The following TENM1 variants were observed in gnomAD, a reference collection of about 807,000 sequenced individuals.
The protein encoded by TENM1 is teneurin transmembrane protein 1.
A neutral mutation model predicts 174.8 loss-of-function variants in TENM1; 35 were observed. That is an observed-to-expected ratio of 0.20 (90% CI 0.15 to 0.27). The LOEUF is 0.27. Ranked by LOEUF, TENM1 falls within the 10% of genes least tolerant of loss-of-function variation. TENM1 has a pLI of 1.00. For missense variants in TENM1, 1,633 were observed against 2,130.1 expected, an observed-to-expected ratio of 0.77 and a Z score of 4.59; for synonymous variants, 781 against 798.7, an observed-to-expected ratio of 0.98 and a Z score of 0.37.
At chrX:125,025,187 C>T in the TENM1 span, among the ~76,000 whole-genome samples, 1 of 111,122 alleles carries the variant, frequency 9.0e-6, no homozygotes, top group Non-Finnish European at 1.9e-5. Flanking sequence ...GAGGAATTTT[C>T]AATATTGCAT....
Position 124,486,163 on chromosome X carries a change from A to G in TENM1, c.3716+1046T>C, listed in dbSNP as rs149466939. Reference sequence around the variant, plus strand: ...AAAAAAACCACTGGACTATATTCCAATTTGCTTTAATCCCTTGTGTCTCAA... The same window carrying G: ...AAAAAAACCACTGGACTATATTCCAGTTTGCTTTAATCCCTTGTGTCTCAA... On this transcript the variant is annotated intron_variant, in intron 21 of 31. Coordinates refer to ENST00000422452, the Ensembl canonical transcript of TENM1. Among the ~76,000 whole-genome samples, 663 of 111,908 alleles carry G rather than the reference A, an allele frequency of 5.9e-3. 4 individuals carry two copies. The highest frequency in any genetic ancestry group is 0.021 in the African/African-American group (642 of 30,863).
the TENM1 span, among the ~76,000 whole-genome samples, chrX:125,047,185 C>T: frequency 5.4e-5 from 6 of 111,231 alleles, no homozygotes; most frequent in South Asian, 1.5e-3. Context: ...GTAAAATAAA[C>T]ATTAGCGTAT....
the TENM1 span, among the ~76,000 whole-genome samples, chrX:124,974,108 C>A: frequency 0.16 from 17,382 of 110,818 alleles, 1,150 homozygotes; most frequent in Non-Finnish European, 0.21. Flanking sequence ...ACTACTACTA[C>A]TAATAATAAT....
intron 3 of TENM1, among the ~76,000 whole-genome samples, chrX:124,821,815 G>A (rs2056044476): frequency 8.9e-6 from 1 of 112,063 alleles, no homozygotes; most frequent in South Asian, 3.7e-4. Flanking sequence ...GGAATGGTTT[G>A]AATTCTATTC....
chrX:124,592,132 C>T (rs1375846539), intron 11 of TENM1, among the ~76,000 whole-genome samples: 2 of 111,923 alleles, frequency 1.8e-5, no homozygotes, highest in Non-Finnish European at 3.8e-5. Flanking sequence ...TCCTTTATTT[C>T]CTGGATTGCT....
At chrX:124,809,401 T>C (rs192937655) in intron 3 of TENM1, among the ~76,000 whole-genome samples, 5 of 110,893 alleles carry the variant, frequency 4.5e-5, no homozygotes, top group Admixed American at 3.8e-4. Context: ...AGACCAATAC[T>C]CCAGGTGAAC....
the TENM1 span, among the ~76,000 whole-genome samples, chrX:125,107,184 C>T: frequency 5.5e-4 from 62 of 111,995 alleles, no homozygotes; most frequent in Non-Finnish European, 8.1e-4. Flanking sequence ...AACAATACTC[C>T]GGTTTTATTC....
At chrX:125,164,843 A>T in the TENM1 span, among the ~76,000 whole-genome samples, 3 of 111,972 alleles carry the variant, frequency 2.7e-5, no homozygotes, top group African/African-American at 9.7e-5. Flanking sequence ...AAGACATACC[A>T]GAGCAGAGTC....
At chrX:124,474,157 T>C (rs1160892944) in intron 22 of TENM1, among the ~76,000 whole-genome samples, 1 of 111,689 alleles carries the variant, frequency 9.0e-6, no homozygotes, top group East Asian at 2.8e-4. Flanking sequence ...TTATTATGAC[T>C]ATAGCAACAA....
chrX:124,497,480 C>T (rs1306764140), intron 19 of TENM1, among the ~76,000 whole-genome samples: 1 of 111,256 alleles, frequency 9.0e-6, no homozygotes, highest in Non-Finnish European at 1.9e-5. Context: ...GTTTGTCCAT[C>T]TGTGAAGTAG....
At chrX:124,916,406 C>T (rs1357619073) in intron 1 of TENM1, among the ~76,000 whole-genome samples, 1 of 111,094 alleles carries the variant, frequency 9.0e-6, no homozygotes, top group Non-Finnish European at 1.9e-5. Context: ...CTCCTGGGTT[C>T]AAGTGATTCT....
intron 27 of TENM1, among the ~76,000 whole-genome samples, chrX:124,394,843 A>G (rs1338719278): frequency 8.9e-6 from 1 of 112,471 alleles, no homozygotes; most frequent in Non-Finnish European, 1.9e-5. Context: ...TGTTCTTAAA[A>G]TATACTTTTT....
chrX:125,001,631 A>G, the TENM1 span, among the ~76,000 whole-genome samples: 1 of 110,271 alleles, frequency 9.1e-6, no homozygotes, highest in South Asian at 3.9e-4. Flanking sequence ...AGGATATGTA[A>G]CAATGCAGAG....
At chrX:124,739,305 A>G (rs1323390357) in intron 3 of TENM1, among the ~76,000 whole-genome samples, 1 of 111,939 alleles carries the variant, frequency 8.9e-6, no homozygotes, top group Non-Finnish European at 1.9e-5. Context: ...ATGTAATAAA[A>G]GTATAAAAGT....
intron 8 of TENM1, among the ~76,000 whole-genome samples, chrX:124,651,311 C>T (rs1412387464): frequency 9.0e-6 from 1 of 111,041 alleles, no homozygotes; most frequent in Non-Finnish European, 1.9e-5. Context: ...AGGCAGGCAT[C>T]GCATTAAAAA....
intron 15 of TENM1, among the ~76,000 whole-genome samples, chrX:124,540,689 T>G (rs11798811): frequency 1.2e-4 from 14 of 112,067 alleles, no homozygotes; most frequent in African/African-American, 4.5e-4. Context: ...GAATCAAGAA[T>G]GTATTATTGA....
chrX:124,608,469 T>C (rs934294402), intron 11 of TENM1, among the ~76,000 whole-genome samples: 1 of 111,566 alleles, frequency 9.0e-6, no homozygotes, highest in African/African-American at 3.2e-5. Context: ...CTACCCCATC[T>C]GGTGGGATGT....
At chrX:125,199,956 T>C in the TENM1 span, among the ~76,000 whole-genome samples, 4 of 111,391 alleles carry the variant, frequency 3.6e-5, no homozygotes, top group South Asian at 3.7e-4. Context: ...CCACAGCACG[T>C]CTAGCAAACT....
chrX:124,962,531 T>G lies in TENM1; in HGVS notation c.217+1006A>C, dbSNP rs755882529. On this transcript the variant is annotated intron_variant, in intron 1 of 31. Coordinates refer to ENST00000422452, the Ensembl canonical transcript of TENM1. ...TTAACTTATTCATAAAAAAGATAAC[T>G]TGTGCCATCCGGGCGCGGTGGCTCA... is the stretch of plus-strand genomic sequence containing the variant. 3.6e-5 allele frequency among the ~76,000 whole-genome samples: 4 copies of G among 112,187 alleles called. No homozygotes were observed. The South Asian group carries it at 1.5e-3, about 42-fold the overall frequency.
Sources: allele counts gnomAD v4.1 joint callset (sites outside exome capture counted in the v4.1 genomes callset), GRCh38; gene constraint gnomAD v4.1.1; transcripts MANE v1.5; gene names NCBI Gene and HGNC (gene_info 2026-07-23, HGNC 2026-07-21).